FBXL17: variants seen among roughly 807,000 people sequenced by gnomAD.
FBXL17 encodes the protein F-box/LRR-repeat protein 17.
In FBXL17, 22 loss-of-function variants were observed where a neutral mutation model predicts 66.2. That is an observed-to-expected ratio of 0.33 (90% CI 0.24 to 0.47). The LOEUF (loss-of-function observed/expected upper bound fraction) is 0.47, where lower values mean the gene tolerates loss of function less well. Among genes scored for constraint, FBXL17 ranks in the 20% least tolerant of loss-of-function variants. The pLI is 1.00. For missense variants in FBXL17, 878 were observed against 948.2 expected (o/e 0.93, Z 0.97); for synonymous variants, 474 against 400.5 (o/e 1.18, Z -2.19).
intron 6 of FBXL17, among the ~76,000 whole-genome samples, chr5:108,077,278 G>T (rs988942052): frequency 1.3e-5 from 2 of 152,198 alleles, no homozygotes; most frequent in African/African-American, 4.8e-5. Flanking sequence ...GGCCAAGTAT[G>T]ATAAGACTAA....
chr5:108,078,094 T>A (rs1307363888), intron 6 of FBXL17, among the ~76,000 whole-genome samples: 1 of 152,232 alleles, frequency 6.6e-6, no homozygotes, highest in East Asian at 1.9e-4. Context: ...GTTTTTCTTA[T>A]GTTTCTACAG....
At chr5:108,102,076 A>T (rs1306823953) in intron 6 of FBXL17, among the ~76,000 whole-genome samples, 1 of 152,132 alleles carries the variant, frequency 6.6e-6, no homozygotes, top group Non-Finnish European at 1.5e-5. Flanking sequence ...TCGTTTCGGC[A>T]GCTTGTACTC....
At chr5:107,956,837 G>C (rs984105633) in intron 7 of FBXL17, among the ~76,000 whole-genome samples, 1 of 152,020 alleles carries the variant, frequency 6.6e-6, no homozygotes, top group African/African-American at 2.4e-5. Context: ...ATTTTCAGTG[G>C]GTGGGCAGAA....
intron 5 of FBXL17, among the ~76,000 whole-genome samples, chr5:108,204,028 A>T (rs1213435664): frequency 2.0e-5 from 3 of 152,250 alleles, no homozygotes; most frequent in South Asian, 2.1e-4. Context: ...GCTGTCTGTT[A>T]CCTTCCTAAG....
chr5:108,170,530 G>A (rs1309306790), intron 6 of FBXL17, among the ~76,000 whole-genome samples: 2 of 151,936 alleles, frequency 1.3e-5, no homozygotes, highest in African/African-American at 2.4e-5. Flanking sequence ...GTTATTATAA[G>A]ACTATTTTTT....
intron 6 of FBXL17, among the ~76,000 whole-genome samples, chr5:108,097,418 T>C (rs1318205198): frequency 1.3e-5 from 2 of 152,210 alleles, no homozygotes; most frequent in Non-Finnish European, 2.9e-5. Context: ...GCTCTAACAT[T>C]CTAGTTTTTA....
chr5:108,048,041 C>T (rs1747324981), intron 6 of FBXL17, among the ~76,000 whole-genome samples: 1 of 152,220 alleles, frequency 6.6e-6, no homozygotes, highest in Non-Finnish European at 1.5e-5. Context: ...AGCGATCCTA[C>T]TCGCATCATG....
In FBXL17 at chr5:108,258,169, G is replaced by A. The variant is rs148483349; in HGVS notation, c.1507-33941C>T. 4.8e-4 allele frequency among the ~76,000 whole-genome samples: 73 copies of A among 152,250 alleles called. 1 individual carries two copies. Among genetic ancestry groups the A allele is most frequent in the Admixed American group, 4.6e-4 (7 of 15,284 alleles). On this transcript the variant is annotated intron_variant, in intron 4 of 8. Transcript: ENST00000542267. ...ATTAAGATTAAGTAAGGTCATAATGGTGGGGCCATGATTCAACAGGGCCGT... is the reference window on the plus strand; with the variant it reads ...ATTAAGATTAAGTAAGGTCATAATGATGGGGCCATGATTCAACAGGGCCGT...
chr5:108,003,925 A>T (rs1286380033), intron 7 of FBXL17, among the ~76,000 whole-genome samples: 1 of 152,178 alleles, frequency 6.6e-6, no homozygotes, highest in Non-Finnish European at 1.5e-5. Context: ...ATAAGGTTTG[A>T]AACTTTCCCC....
intron 5 of FBXL17, among the ~76,000 whole-genome samples, chr5:108,218,194 G>A (rs762085894): frequency 6.6e-6 from 1 of 151,568 alleles, no homozygotes; most frequent in Admixed American, 6.6e-5. Context: ...TTTTTTAGTA[G>A]AGATGGGGTT....
At chr5:108,076,167 C>T (rs1034783786) in intron 6 of FBXL17, among the ~76,000 whole-genome samples, 6 of 152,128 alleles carry the variant, frequency 3.9e-5, no homozygotes, top group Non-Finnish European at 8.8e-5. Context: ...ATTTCTCATA[C>T]CTGCTTAATT....
chr5:108,237,081 A>G (rs1210211960), intron 4 of FBXL17, among the ~76,000 whole-genome samples: 1 of 152,198 alleles, frequency 6.6e-6, no homozygotes, highest in African/African-American at 2.4e-5. Context: ...ACCATAAGAG[A>G]ATATACTCCA....
chr5:108,146,818 G>A (rs546995803), intron 6 of FBXL17, among the ~76,000 whole-genome samples: 27 of 152,306 alleles, frequency 1.8e-4, no homozygotes, highest in African/African-American at 5.3e-4. Flanking sequence ...AAAAGGGATC[G>A]TGAAACCTTA....
chr5:108,324,503 G>A (rs1759760631), intron 4 of FBXL17, among the ~76,000 whole-genome samples: 1 of 151,936 alleles, frequency 6.6e-6, no homozygotes, highest in African/African-American at 2.4e-5. Context: ...GTAAAATGGT[G>A]CGACCACTAT....
At chr5:108,367,750 A>C in intron 2 of FBXL17, 81 bp downstream of exon 2, 1 of 1,133,818 alleles carries the variant, frequency 8.8e-7, no homozygotes, top group Non-Finnish European at 1.2e-6. Context: ...AAAAACAAGA[A>C]GACAGTAAAG....
At chr5:108,335,120 T>C (rs1358590534) in intron 4 of FBXL17, among the ~76,000 whole-genome samples, 1 of 152,078 alleles carries the variant, frequency 6.6e-6, no homozygotes, top group Non-Finnish European at 1.5e-5. Flanking sequence ...TGTTAGAAAT[T>C]AGAAAAATCA....
chr5:107,906,982 A>G (rs1749782736), intron 7 of FBXL17, among the ~76,000 whole-genome samples: 1 of 152,214 alleles, frequency 6.6e-6, no homozygotes, highest in African/African-American at 2.4e-5. Context: ...GCAAGGGCAG[A>G]CATTTTCTAG....
At chr5:108,135,479 T>A (rs1333689470) in intron 6 of FBXL17, among the ~76,000 whole-genome samples, 3 of 152,176 alleles carry the variant, frequency 2.0e-5, no homozygotes, top group African/African-American at 7.2e-5. Flanking sequence ...ACCACGTTTA[T>A]AATAGATTCA....
intron 7 of FBXL17, among the ~76,000 whole-genome samples, chr5:108,013,336 C>A (rs1290933826): frequency 6.6e-6 from 1 of 152,150 alleles, no homozygotes; most frequent in Admixed American, 6.5e-5. Flanking sequence ...AAGGTTTCTT[C>A]AAAAATTTGT....
Sources: allele counts gnomAD v4.1 joint callset (sites outside exome capture counted in the v4.1 genomes callset), GRCh38; gene constraint gnomAD v4.1.1; transcripts MANE v1.5; gene names NCBI Gene and HGNC (gene_info 2026-07-23, HGNC 2026-07-21).